OSBPL6: variants seen among roughly 807,000 people sequenced by gnomAD.
The protein encoded by OSBPL6 is oxysterol-binding protein-related protein 6.
A neutral mutation model predicts 125.8 loss-of-function variants in OSBPL6; 49 were observed. That is an observed-to-expected ratio of 0.39 (90% CI 0.31 to 0.49). The LOEUF (loss-of-function observed/expected upper bound fraction) is 0.49, where lower values mean the gene tolerates loss of function less well. Among genes scored for constraint, OSBPL6 ranks in the 20% least tolerant of loss-of-function variants. The probability of loss-of-function intolerance (pLI) is 0.88; values close to 1 mark genes in which losing one functional copy is unlikely to be tolerated. For synonymous variants in OSBPL6, 394 were observed against 391.8 expected, an observed-to-expected ratio of 1.01 and a Z score of -0.07; for missense variants, 986 against 1,135.4, an observed-to-expected ratio of 0.87 and a Z score of 1.89.
At chr2:178,291,792 G>GCCATCCATCCATCCAT (rs371679590) in intron 2 of OSBPL6, among the ~76,000 whole-genome samples, 3,373 of 116,688 alleles carry the variant, frequency 0.029, 60 homozygotes, top group Admixed American at 0.041. Context: ...CTTCCTGCCT[G>GCCATCCATCCATCCAT]CCATCCATCC....
At chr2:178,351,017 A>G (rs1183171425) in intron 12 of OSBPL6, among the ~76,000 whole-genome samples, 1 of 152,174 alleles carries the variant, frequency 6.6e-6, no homozygotes, top group Middle Eastern at 3.2e-3. Flanking sequence ...CAGCAAAAGC[A>G]TTTGTCAAAG....
chr2:178,328,253 C>A lies in OSBPL6; in HGVS notation c.196-3C>A. 1 of 1,613,046 alleles carries A rather than the reference C, an allele frequency of 6.2e-7. No individual in the cohort carries two copies. On this transcript the variant is annotated splice_region_variant and splice_polypyrimidine_tract_variant and intron_variant, in intron 4 of 24. Coordinates refer to ENST00000190611, the MANE Select transcript of OSBPL6 (RefSeq NM_032523.4). ...GTGATTTGTTTTTCTTCTTTTCTCT[C>A]AGGAAGCTGACAGCTGGGAAATTAT...
intron 3 of OSBPL6, among the ~76,000 whole-genome samples, chr2:178,309,373 G>A (rs1346079852): frequency 1.3e-5 from 2 of 151,974 alleles, no homozygotes; most frequent in Non-Finnish European, 2.9e-5. Flanking sequence ...ATATCCTGGA[G>A]GATATATTTT....
At chr2:178,198,107 A>G (rs2089012486) in intron 1 of OSBPL6, among the ~76,000 whole-genome samples, 1 of 152,186 alleles carries the variant, frequency 6.6e-6, no homozygotes, top group Non-Finnish European at 1.5e-5. Context: ...TAGGGAACAG[A>G]TAGGTGGGGA....
chr2:178,381,197 A>G lies in OSBPL6; in HGVS notation c.1534-1223A>G, dbSNP rs1183050156. 3.3e-5 allele frequency among the ~76,000 whole-genome samples: 5 copies of G among 151,992 alleles called. No homozygotes were observed. In the East Asian group the frequency reaches 9.7e-4, roughly 29 times the overall value. ...GTTCTATCTTATCTTCTCTTTCCTG[A>G]TCTGCTCTGTTTCTAAGTCCCTTTA... On this transcript the variant is annotated intron_variant, in intron 15 of 24. Transcript: ENST00000190611.
chr2:178,232,554 A>G (rs551915485), intron 1 of OSBPL6, among the ~76,000 whole-genome samples: 2 of 152,214 alleles, frequency 1.3e-5, no homozygotes, highest in Non-Finnish European at 2.9e-5. Context: ...GGCTAAATCA[A>G]AAGGTGAGTA....
intron 18 of OSBPL6, among the ~76,000 whole-genome samples, 198 bp from the exon 19 acceptor site, chr2:178,385,260 A>G (rs537574051): frequency 6.6e-6 from 1 of 152,086 alleles, no homozygotes; most frequent in South Asian, 2.1e-4. Flanking sequence ...AGGAAGAAAG[A>G]AAGGAAGGAA....
intron 11 of OSBPL6, 78 bp downstream of exon 11, chr2:178,339,842 G>T: frequency 1.0e-6 from 1 of 997,852 alleles, no homozygotes; most frequent in Non-Finnish European, 1.4e-6. Context: ...GTTTATGGGC[G>T]TTAGATTGAA....
intron 15 of OSBPL6, among the ~76,000 whole-genome samples, chr2:178,377,954 G>A (rs952428469): frequency 2.6e-5 from 4 of 151,976 alleles, no homozygotes; most frequent in Non-Finnish European, 4.4e-5. Context: ...TCAGCCTCCC[G>A]AGTAGCTGGG....
chr2:178,194,859 C>G (rs1478814889), intron 1 of OSBPL6, among the ~76,000 whole-genome samples, 185 bp downstream of exon 1: 1 of 152,126 alleles, frequency 6.6e-6, no homozygotes, highest in Non-Finnish European at 1.5e-5. Flanking sequence ...ATAGCCCGGG[C>G]TACAGGGAAG....
intron 1 of OSBPL6, among the ~76,000 whole-genome samples, chr2:178,243,667 GT>G (rs1355327499): frequency 6.6e-6 from 1 of 152,016 alleles, no homozygotes; most frequent in African/African-American, 2.4e-5. Flanking sequence ...TTCTTTGTTT[GT>G]TTTGAGACGG....
chr2:178,325,051 A>G (rs964806396), intron 4 of OSBPL6, among the ~76,000 whole-genome samples: 1 of 152,194 alleles, frequency 6.6e-6, no homozygotes, highest in Non-Finnish European at 1.5e-5. Flanking sequence ...CCTCCCCTTC[A>G]GCCTGCTCTT....
intron 1 of OSBPL6, among the ~76,000 whole-genome samples, chr2:178,241,416 CT>C (rs142847395): frequency 0.17 from 22,977 of 134,296 alleles, 3,286 homozygotes; most frequent in African/African-American, 0.41. Context: ...CCGGCCAGGG[CT>C]TTTTTTTTTT....
At chr2:178,204,104 A>G (rs1375755362) in intron 1 of OSBPL6, among the ~76,000 whole-genome samples, 1 of 131,138 alleles carries the variant, frequency 7.6e-6, no homozygotes, top group Admixed American at 7.7e-5. Flanking sequence ...GCCCACTGCA[A>G]CCTCCGCCTG....
rs928176324 is a variant in OSBPL6 at position 178,400,393 on chromosome 2, T to C, written c.*4834T>C. ...CCTCCGCCTCCCAGGTTCAAGGGAT[T>C]CTTGTGCCTCAGCCTCCCGAGTAGC... On this transcript the variant is annotated 3_prime_UTR_variant, in exon 25 of 25. Transcript: ENST00000190611. 28 of 152,052 alleles carry C rather than the reference T, an allele frequency of 1.8e-4. No homozygotes were observed. Among genetic ancestry groups the C allele is most frequent in the African/African-American group, 6.8e-4 (28 of 41,350 alleles). 9.4% of individuals were successfully genotyped at this position (152,052 alleles called of 1,614,324 possible).
intron 6 of OSBPL6, 111 bp downstream of exon 6, chr2:178,331,716 C>A: frequency 8.7e-7 from 1 of 1,146,682 alleles, no homozygotes; most frequent in Non-Finnish European, 1.3e-6. Flanking sequence ...TTGTGCATGT[C>A]TGGGCCTGTA....
In OSBPL6 at chr2:178,384,095, A is replaced by G. The variant is rs1271336228; in HGVS notation, c.1932A>G (p.Gly644=). 6.2e-7 allele frequency: 1 copy of G among 1,614,210 alleles called. No homozygotes were observed. The highest frequency in any genetic ancestry group is 8.5e-7 in the Non-Finnish European group (1 of 1,180,008). ...ACTGCTCCACCTATTTCAGAGCAGG[A>G]AGTAAGCCATTCAACCCAGTCCTTG... ...SGYCSTYFRA[G]SKPFNPVLGE... Residue 644 remains glycine, a synonymous_variant, in exon 18 of 25, where the codon GGA becomes GGG. Transcript: ENST00000190611.
chr2:178,280,479 C>A (rs570505409), intron 1 of OSBPL6, among the ~76,000 whole-genome samples: 1 of 152,122 alleles, frequency 6.6e-6, no homozygotes, highest in Non-Finnish European at 1.5e-5. Flanking sequence ...GAGGTTATAG[C>A]GGGTACTACA....
intron 3 of OSBPL6, among the ~76,000 whole-genome samples, chr2:178,317,946 A>G (rs1687906342): frequency 6.6e-6 from 1 of 152,094 alleles, no homozygotes; most frequent in Non-Finnish European, 1.5e-5. Context: ...GTGATTTGCC[A>G]TTTGTTTATA....
Sources: allele counts gnomAD v4.1 joint callset (sites outside exome capture counted in the v4.1 genomes callset), GRCh38; gene constraint gnomAD v4.1.1; transcripts MANE v1.5; gene names NCBI Gene and HGNC (gene_info 2026-07-23, HGNC 2026-07-21).